SUGCT: variants seen among roughly 807,000 people sequenced by gnomAD.
The protein encoded by SUGCT is succinyl-CoA:glutarate CoA-transferase.
A neutral mutation model predicts 55.0 loss-of-function variants in SUGCT; 41 were observed. That is an observed-to-expected ratio of 0.74 (90% CI 0.58 to 0.97). SUGCT has a LOEUF of 0.97. Among genes scored for constraint, SUGCT ranks in the 50% least tolerant of loss-of-function variants. The probability of loss-of-function intolerance (pLI) is 0.00; values close to 1 mark genes in which losing one functional copy is unlikely to be tolerated. For synonymous variants in SUGCT, 187 were observed against 200.4 expected, an observed-to-expected ratio of 0.93 and a Z score of 0.56; for missense variants, 568 against 547.8, an observed-to-expected ratio of 1.04 and a Z score of -0.37.
At chr7:40,414,596 G>A (rs1411920993) in intron 9 of SUGCT, among the ~76,000 whole-genome samples, 3 of 152,034 alleles carry the variant, frequency 2.0e-5, no homozygotes, top group African/African-American at 7.2e-5. Context: ...AATGGGTATT[G>A]TCACATTAAA....
chr7:40,388,073 A>T (rs1398704504), intron 9 of SUGCT: 1 of 152,222 alleles, frequency 6.6e-6, no homozygotes, highest in South Asian at 2.1e-4. Context: ...TTTGTCGCTT[A>T]CATGTCTGCA....
the SUGCT span, among the ~76,000 whole-genome samples, chr7:41,009,056 A>G: frequency 1.3e-5 from 2 of 152,082 alleles, no homozygotes; most frequent in South Asian, 4.1e-4. Flanking sequence ...GCAGTTCTAA[A>G]GAATGCAATT....
At chr7:40,353,709 T>C (rs2151203786) in intron 9 of SUGCT, among the ~76,000 whole-genome samples, 1 of 152,308 alleles carries the variant, frequency 6.6e-6, no homozygotes, top group Non-Finnish European at 1.5e-5. Flanking sequence ...TTCTATCAAT[T>C]AGTCTTAATA....
At chr7:40,299,409 AACTGTCACAGG>A (rs1484321919) in intron 8 of SUGCT, among the ~76,000 whole-genome samples, 1 of 152,120 alleles carries the variant, frequency 6.6e-6, no homozygotes, top group Non-Finnish European at 1.5e-5. Flanking sequence ...AACAACAACA[AACTGTCACAGG>A]TTGCATTTGC....
chr7:40,680,448 T>C (rs1281170239), intron 12 of SUGCT, among the ~76,000 whole-genome samples: 2 of 152,088 alleles, frequency 1.3e-5, no homozygotes, highest in Non-Finnish European at 2.9e-5. Context: ...CACAGGTCTA[T>C]CCATGTGTAG....
chr7:40,998,670 A>G, the SUGCT span, among the ~76,000 whole-genome samples: 3 of 152,318 alleles, frequency 2.0e-5, no homozygotes, highest in African/African-American at 7.2e-5. Flanking sequence ...AGCCTAGAGT[A>G]TTGGTGTCTT....
the SUGCT span, among the ~76,000 whole-genome samples, chr7:41,019,553 C>T: frequency 2.0e-5 from 3 of 152,284 alleles, no homozygotes; most frequent in South Asian, 6.2e-4. Flanking sequence ...TTTATTATTA[C>T]AAGATTGGTC....
At chr7:40,355,669 A>C (rs954785131) in intron 9 of SUGCT, among the ~76,000 whole-genome samples, 2 of 152,234 alleles carry the variant, frequency 1.3e-5, no homozygotes, top group Non-Finnish European at 2.9e-5. Context: ...ATTATTTATA[A>C]GACAGATTTA....
At chr7:40,828,890 A>C (rs557723927) in intron 13 of SUGCT, among the ~76,000 whole-genome samples, 2 of 152,314 alleles carry the variant, frequency 1.3e-5, no homozygotes, top group Admixed American at 6.5e-5. Context: ...TTTGGACCGC[A>C]TGACTTTAGC....
At chr7:40,931,434 C>T in the SUGCT span, among the ~76,000 whole-genome samples, 6,106 of 152,232 alleles carry the variant, frequency 0.04, 143 homozygotes, top group South Asian at 0.073. Flanking sequence ...ATGCTGGCCT[C>T]ATAAAATGAG....
rs532076180 is a variant in SUGCT at position 40,620,719 on chromosome 7, G to A, written c.1089+124333G>A. On this transcript the variant is annotated intron_variant, in intron 12 of 13. Transcript: ENST00000335693. ...CGCCCGGCCAATAACTCTTAACATA[G>A]TATGGTACTTAGCATTTGGTGAATG... 4.6e-5 allele frequency among the ~76,000 whole-genome samples: 7 copies of A among 152,210 alleles called. No homozygotes were observed. In the South Asian group the frequency reaches 1.5e-3, roughly 32 times the overall value.
intron 10 of SUGCT, among the ~76,000 whole-genome samples, chr7:40,451,094 A>G (rs987341384): frequency 5.3e-5 from 8 of 152,192 alleles, no homozygotes; most frequent in Non-Finnish European, 1.0e-4. Context: ...TGTTAAAAAT[A>G]TGAAACATAC....
At chr7:40,198,581 C>G (rs1276868714) in intron 6 of SUGCT, among the ~76,000 whole-genome samples, 1 of 152,116 alleles carries the variant, frequency 6.6e-6, no homozygotes, top group Non-Finnish European at 1.5e-5. Context: ...ATTTTCTTGG[C>G]TGGGCGTGGT....
intron 13 of SUGCT, among the ~76,000 whole-genome samples, chr7:40,813,822 A>C (rs1791539739): frequency 6.6e-6 from 1 of 152,146 alleles, no homozygotes; most frequent in South Asian, 2.1e-4. Context: ...TCTGTGGGCT[A>C]TGTCCTTAAG....
chr7:40,987,647 T>C, the SUGCT span, among the ~76,000 whole-genome samples: 77 of 152,248 alleles, frequency 5.1e-4, no homozygotes, highest in African/African-American at 1.8e-3. Flanking sequence ...TAGTTATAAT[T>C]TGAGGAAGCA....
the SUGCT span, among the ~76,000 whole-genome samples, chr7:41,032,730 C>T: frequency 1.3e-5 from 2 of 152,238 alleles, no homozygotes; most frequent in African/African-American, 2.4e-5. Context: ...GAGTGCTTTT[C>T]AGTGGGGTAA....
chr7:40,629,736 A>G (rs371550375), intron 12 of SUGCT, among the ~76,000 whole-genome samples: 238 of 152,342 alleles, frequency 1.6e-3, no homozygotes, highest in African/African-American at 5.1e-3. Context: ...AAGAAATACC[A>G]GTTTTTAAAT....
intron 10 of SUGCT, among the ~76,000 whole-genome samples, 160 bp from the exon 11 acceptor site, chr7:40,458,941 T>C (rs1789635436): frequency 1.3e-5 from 2 of 152,226 alleles, no homozygotes; most frequent in Admixed American, 1.3e-4. Flanking sequence ...TGTTCCATCC[T>C]AATCGTGTGC....
chr7:40,562,886 G>A (rs1317903041), intron 12 of SUGCT, among the ~76,000 whole-genome samples: 1 of 152,152 alleles, frequency 6.6e-6, no homozygotes, highest in African/African-American at 2.4e-5. Flanking sequence ...AGTTCGTTTT[G>A]GACATGTTTA....
Sources: gnomAD v4.1 joint callset for allele counts (sites outside exome capture counted in the v4.1 genomes callset) on GRCh38, gnomAD v4.1.1 for gene constraint, MANE v1.5 for transcripts, NCBI Gene and HGNC (gene_info 2026-07-23, HGNC 2026-07-21) for gene names.